The following TBL1Y variants were observed in gnomAD, a reference collection of about 807,000 sequenced individuals.
TBL1Y encodes F-box-like/WD repeat-containing protein TBL1Y.
In TBL1Y, 15 loss-of-function variants were observed where a neutral mutation model predicts 12.0. The ratio of observed to expected loss-of-function variants is 1.25; its 90% CI spans 0.83 to 1.92. The LOEUF (loss-of-function observed/expected upper bound fraction) is 1.92, where lower values mean the gene tolerates loss of function less well. TBL1Y is among the 40% of genes most tolerant of loss of function. The pLI is 0.00. For missense variants in TBL1Y, 148 were observed against 116.7 expected, an observed-to-expected ratio of 1.27 and a Z score of -1.24; for synonymous variants, 53 against 42.6, an observed-to-expected ratio of 1.24 and a Z score of -0.95.
At chrY:7,063,050 C>G in intron 7 of TBL1Y, among the ~76,000 whole-genome samples, 8 of 32,450 alleles carry the variant, frequency 2.5e-4, no homozygotes, top group South Asian at 1.5e-3. Context: ...GCTGAGCGTT[C>G]AGGTTATTCC....
intron 12 of TBL1Y, among the ~76,000 whole-genome samples, chrY:7,073,735 G>C: frequency 3.0e-5 from 1 of 33,762 alleles, no homozygotes; most frequent in Non-Finnish European, 7.3e-5. Flanking sequence ...CTGACAGAGA[G>C]ATGTAAACTT....
At chrY:6,935,439 C>T (rs750035826) in intron 2 of TBL1Y, among the ~76,000 whole-genome samples, 1 of 33,336 alleles carries the variant, frequency 3.0e-5, no homozygotes, top group Non-Finnish European at 7.3e-5. Context: ...GTCACTAACC[C>T]ATTCCTCTGT....
chrY:6,999,645 T>G, intron 4 of TBL1Y, among the ~76,000 whole-genome samples: 2 of 29,597 alleles, frequency 6.8e-5, no homozygotes, highest in Non-Finnish European at 8.1e-5. Flanking sequence ...ATTTGTTTTT[T>G]TTTTTTTTTT....
At chrY:6,961,732 G>T in intron 2 of TBL1Y, among the ~76,000 whole-genome samples, 1 of 33,162 alleles carries the variant, frequency 3.0e-5, no homozygotes, top group Non-Finnish European at 7.4e-5. Context: ...GTTGCATCTG[G>T]GGAGTGTTAT....
intron 2 of TBL1Y, among the ~76,000 whole-genome samples, chrY:6,954,093 G>C (rs2012051076): frequency 2.9e-5 from 1 of 33,993 alleles, no homozygotes; most frequent in Non-Finnish European, 7.4e-5. Flanking sequence ...CCCCTACTGG[G>C]GGGTGCCTCT....
chrY:6,948,029 A>AT (rs2011995600), intron 2 of TBL1Y, among the ~76,000 whole-genome samples: 2 of 33,629 alleles, frequency 5.9e-5, no homozygotes, highest in African/African-American at 1.2e-4. Context: ...GAATAGCTCT[A>AT]TTTTTGTCAA....
chrY:6,956,248 T>C, intron 2 of TBL1Y, among the ~76,000 whole-genome samples: 1 of 33,001 alleles, frequency 3.0e-5, no homozygotes. Flanking sequence ...TCTTAACTAC[T>C]GAAACTGCAG....
intron 4 of TBL1Y, among the ~76,000 whole-genome samples, chrY:6,997,233 T>C (rs2012416736): frequency 3.0e-5 from 1 of 32,902 alleles, no homozygotes; most frequent in African/African-American, 1.2e-4. Flanking sequence ...CTGGCCAACA[T>C]GGTGAAAGCA....
chrY:7,082,592 G>A, intron 14 of TBL1Y, among the ~76,000 whole-genome samples: 1 of 33,373 alleles, frequency 3.0e-5, no homozygotes, highest in Non-Finnish European at 7.4e-5. Flanking sequence ...CCCTCAGTCT[G>A]ATACAGACTC....
At chrY:6,956,744 G>A (rs371875869) in intron 2 of TBL1Y, among the ~76,000 whole-genome samples, 827 of 33,029 alleles carry the variant, frequency 0.025, no homozygotes, top group Middle Eastern at 0.11. Context: ...GGACCACTGA[G>A]GAACAAGGGT....
intron 6 of TBL1Y, among the ~76,000 whole-genome samples, chrY:7,026,550 G>A: frequency 5.9e-5 from 2 of 33,748 alleles, no homozygotes; most frequent in East Asian, 8.0e-4. Flanking sequence ...AGAGACTCAC[G>A]GCATGTAAAC....
chrY:6,917,017 C>T, intron 2 of TBL1Y, among the ~76,000 whole-genome samples: 1 of 34,275 alleles, frequency 2.9e-5, no homozygotes, highest in Non-Finnish European at 7.3e-5. Flanking sequence ...ATGGCTCCAC[C>T]ACAGAGAATG....
At chrY:6,929,829 A>G (rs533950383) in intron 2 of TBL1Y, among the ~76,000 whole-genome samples, 1 of 33,862 alleles carries the variant, frequency 3.0e-5, no homozygotes, top group Admixed American at 2.7e-4. Context: ...ACTTCTCTTT[A>G]TAGTAATACT....
At chrY:7,042,679 C>T in intron 6 of TBL1Y, among the ~76,000 whole-genome samples, 1 of 32,763 alleles carries the variant, frequency 3.1e-5, no homozygotes, top group Non-Finnish European at 7.5e-5. Context: ...AGATGTGAAC[C>T]GCCATGCCTG....
intron 6 of TBL1Y, among the ~76,000 whole-genome samples, chrY:7,026,594 T>G (rs2012625771): frequency 2.9e-5 from 1 of 33,984 alleles, no homozygotes; most frequent in Non-Finnish European, 7.3e-5. Context: ...GTGTAAAAAG[T>G]GCATGTGCAC....
At chrY:6,988,587 G>T in intron 3 of TBL1Y, among the ~76,000 whole-genome samples, 4 of 30,816 alleles carry the variant, frequency 1.3e-4, no homozygotes, top group Non-Finnish European at 2.3e-4. Flanking sequence ...TTGAGCCCAG[G>T]AAGTCGAGCC....
intron 13 of TBL1Y, among the ~76,000 whole-genome samples, chrY:7,077,935 C>T: frequency 8.9e-5 from 3 of 33,618 alleles, no homozygotes; most frequent in Non-Finnish European, 1.5e-4. Context: ...TTTAGGACAT[C>T]AGCATGGGAG....
rs756202136 is a variant in TBL1Y at position 6,914,813 on chromosome Y, G to T, written c.-266+2641G>T. Among the ~76,000 whole-genome samples the T allele has an allele frequency of 2.4e-4, 8 of 33,628 alleles. No homozygotes were observed. The East Asian group carries it at 6.2e-3, about 26-fold the overall frequency. 90.2% of individuals were successfully genotyped at this position (33,628 alleles called of 37,273 possible). ...GAAATTGAAAATAACTCACAGGTGGGCTCATTTTTCTAAAAAAATGACTCA... is the reference window on the plus strand; with the variant it reads ...GAAATTGAAAATAACTCACAGGTGGTCTCATTTTTCTAAAAAAATGACTCA... On this transcript the variant is annotated intron_variant, in intron 2 of 18. Transcript: ENST00000383032.
chrY:7,013,126 T>G, intron 4 of TBL1Y, among the ~76,000 whole-genome samples: 1 of 33,770 alleles, frequency 3.0e-5, no homozygotes, highest in Non-Finnish European at 7.4e-5. Context: ...TACAGTTATG[T>G]TCCCTCTTCA....
Sources: allele counts gnomAD v4.1 joint callset (sites outside exome capture counted in the v4.1 genomes callset), GRCh38; gene constraint gnomAD v4.1.1; transcripts MANE v1.5; gene names NCBI Gene and HGNC (gene_info 2026-07-23, HGNC 2026-07-21).